Variants in HIPK3 observed in about 807,000 individuals in gnomAD.
HIPK3 encodes the protein homeodomain-interacting protein kinase 3.
In HIPK3, 47 loss-of-function variants were observed where a neutral mutation model predicts 124.2. That is an observed-to-expected ratio of 0.38 (90% CI 0.30 to 0.48). The LOEUF is 0.48. Among genes scored for constraint, HIPK3 ranks in the 20% least tolerant of loss-of-function variants. The probability of loss-of-function intolerance (pLI) is 0.98; values close to 1 mark genes in which losing one functional copy is unlikely to be tolerated. For synonymous variants in HIPK3, 482 were observed against 515.2 expected, an observed-to-expected ratio of 0.94 and a Z score of 0.87; for missense variants, 1,286 against 1,454.3, an observed-to-expected ratio of 0.88 and a Z score of 1.88.
chr11:33,315,790 C>G (rs1047196988), intron 2 of HIPK3, among the ~76,000 whole-genome samples: 1 of 152,218 alleles, frequency 6.6e-6, no homozygotes, highest in African/African-American at 2.4e-5. Flanking sequence ...AATATTAAAT[C>G]TTTGCTGTCT....
intron 1 of HIPK3, among the ~76,000 whole-genome samples, chr11:33,277,323 C>T (rs1374313233): frequency 6.6e-6 from 1 of 151,942 alleles, no homozygotes; most frequent in Non-Finnish European, 1.5e-5. Flanking sequence ...TTTTTTTGTT[C>T]TATATTTTGA....
intron 2 of HIPK3, among the ~76,000 whole-genome samples, chr11:33,326,172 T>C (rs536289550): frequency 6.6e-6 from 1 of 152,224 alleles, no homozygotes; most frequent in South Asian, 2.1e-4. Flanking sequence ...AGAAATGGGG[T>C]GGTCCTCCCA....
intron 2 of HIPK3, among the ~76,000 whole-genome samples, chr11:33,320,358 T>C (rs1441618233): frequency 6.6e-6 from 1 of 151,962 alleles, no homozygotes; most frequent in East Asian, 1.9e-4. Flanking sequence ...ATGGAGGTGA[T>C]GGGGGGTTGG....
At chr11:33,299,580 A>C (rs1400508539) in intron 2 of HIPK3, among the ~76,000 whole-genome samples, 1 of 152,340 alleles carries the variant, frequency 6.6e-6, no homozygotes, top group East Asian at 1.9e-4. Context: ...ATATCAACTT[A>C]GTTGATAAAG....
chr11:33,286,870 A>C lies in HIPK3; in HGVS notation c.456A>C (p.Ala152=), dbSNP rs1248273614. Residue 152 remains alanine, a synonymous_variant, in exon 2 of 17, where the codon GCA becomes GCC. Transcript: ENST00000303296. ...QIVDELSILP[A]MLQTNMGNPV... is the part of the protein sequence containing the mutation. Reference sequence around the variant, plus strand: ...TCGATGAATTGTCCATACTTCCTGCAATGTTGCAAACCAACATGGGAAATC... The same window carrying C: ...TCGATGAATTGTCCATACTTCCTGCCATGTTGCAAACCAACATGGGAAATC... 6.2e-7 allele frequency: 1 copy of C among 1,614,068 alleles called. No individual in the cohort carries two copies. The highest frequency in any genetic ancestry group is 1.3e-5 in the African/African-American group (1 of 74,940).
rs1207946607 is a variant in HIPK3, at chr11:33,356,791, T to C, written c.*3223T>C. 2 of 152,148 alleles carry C rather than the reference T, an allele frequency of 1.3e-5. No individual in the cohort carries two copies. The highest frequency in any genetic ancestry group is 2.9e-5 in the Non-Finnish European group (2 of 67,976). The allele number at this position is 152,148 out of a possible 1,614,324, so 9.4% of individuals were successfully genotyped here. On this transcript the variant is annotated 3_prime_UTR_variant, in exon 17 of 17. Coordinates refer to ENST00000303296, the MANE Select transcript of HIPK3 (RefSeq NM_005734.5). ...CTACACTAGTTTGCCATGTAGCAAT[T>C]GCACTGTGCAATATTACAATAAGGA... is the stretch of plus-strand genomic sequence containing the variant.
At chr11:33,325,992 G>A (rs1447518212) in intron 2 of HIPK3, among the ~76,000 whole-genome samples, 4 of 152,114 alleles carry the variant, frequency 2.6e-5, no homozygotes, top group Non-Finnish European at 1.5e-5. Flanking sequence ...CGTGGCTCTT[G>A]TTTTCAACAA....
chr11:33,353,460 G>C lies in HIPK3; in HGVS notation c.3540G>C (p.Gln1180His), dbSNP rs201569128. Residue 1180 changes from glutamine (Q) to histidine (H), a missense_variant, in exon 17 of 17, where the codon CAG becomes CAC. By Grantham distance (24) the Gln-to-His change is conservative. This residue lies in a region of HIPK3 where 810 missense variants were observed against 864.9 expected (regional missense o/e 0.94). Transcript: ENST00000303296. ...TGTTACCATCCCCAACCATTCATCA[G>C]ACTCAGTACAAACCAATCTTCCCAC... Reference protein sequence around the residue: ...PRLLPSPTIHQTQYKPIFPPH... With the variant: ...PRLLPSPTIHHTQYKPIFPPH... 16 of 1,614,062 alleles carry C rather than the reference G, an allele frequency of 9.9e-6. No homozygotes were observed. In the East Asian group the frequency reaches 2.5e-4, roughly 25 times the overall value.
At chr11:33,346,754 A>G (rs1853505275) in intron 8 of HIPK3, among the ~76,000 whole-genome samples, 1 of 152,250 alleles carries the variant, frequency 6.6e-6, no homozygotes, top group Non-Finnish European at 1.5e-5. Flanking sequence ...ACTTTGTAGT[A>G]TGCATTTTGA....
intron 2 of HIPK3, among the ~76,000 whole-genome samples, chr11:33,292,899 CT>C (rs1321629656): frequency 6.6e-6 from 1 of 152,146 alleles, no homozygotes; most frequent in Admixed American, 6.5e-5. Context: ...CCACGCCTGG[CT>C]AATTTGTTTT....
chr11:33,325,907 T>C (rs887729403), intron 2 of HIPK3, among the ~76,000 whole-genome samples: 4 of 152,210 alleles, frequency 2.6e-5, no homozygotes, highest in African/African-American at 9.6e-5. Flanking sequence ...TACACACACT[T>C]GAATATTTTG....
chr11:33,347,278 T>C lies in HIPK3; in HGVS notation c.1898-15T>C. ...AAGATTTTTTCTTTTATTTGATAAC[T>C]ATTCTGTTTCACAGGTATTCCTGCA... On this transcript the variant is annotated splice_polypyrimidine_tract_variant and intron_variant, in intron 8 of 16. Transcript: ENST00000303296. 1 of 1,599,956 alleles carries C rather than the reference T, an allele frequency of 6.3e-7. No homozygotes were observed. Among genetic ancestry groups the C allele is most frequent in the Non-Finnish European group, 8.5e-7 (1 of 1,172,428 alleles).
Position 33,347,705 on chromosome 11 carries a change from C to A in HIPK3, c.2096C>A (p.Thr699Lys), listed in dbSNP as rs1565098236. 1 of 1,614,218 alleles carries A rather than the reference C, an allele frequency of 6.2e-7. No individual in the cohort carries two copies. Among genetic ancestry groups the A allele is most frequent in the East Asian group, 2.2e-5 (1 of 44,890 alleles). The change falls in exon 10 of 17, where the codon ACA becomes AAA. Residue 699 changes from threonine (T) to lysine (K), a missense_variant. Coordinates refer to ENST00000303296, the MANE Select transcript of HIPK3 (RefSeq NM_005734.5). ...ACACCCCTGGCTCCTGCTACTACTA[C>A]ACTAACTTCTGAGAGTGTGGCTGGT... Reference protein sequence around the residue: ...QVTPLAPATTTLTSESVAGSH... With the variant: ...QVTPLAPATTKLTSESVAGSH...
At position 33,286,801 on chromosome 11, in the gene HIPK3, C is replaced by T. The variant is rs760597322; in HGVS notation, c.387C>T (p.Arg129=). 1.9e-6 allele frequency: 3 copies of T among 1,614,080 alleles called. No individual in the cohort carries two copies. The highest frequency in any genetic ancestry group is 2.5e-6 in the Non-Finnish European group (3 of 1,180,030). The part of the protein sequence containing the change: ...LEGPQRCGLK[R]KSEELDNHSS... ...GCCCCCAGCGATGTGGATTGAAGCGCAAGAGTGAGGAGTTGGATAATCATA... is the reference window on the plus strand; with the variant it reads ...GCCCCCAGCGATGTGGATTGAAGCGTAAGAGTGAGGAGTTGGATAATCATA... Residue 129 remains arginine, a synonymous_variant, in exon 2 of 17, where the codon CGC becomes CGT. Coordinates refer to ENST00000303296, the MANE Select transcript of HIPK3 (RefSeq NM_005734.5).
intron 2 of HIPK3, among the ~76,000 whole-genome samples, chr11:33,303,939 G>GTA (rs1012040222): frequency 6.4e-4 from 97 of 151,478 alleles, no homozygotes; most frequent in African/African-American, 1.4e-3. Context: ...ATATATATGT[G>GTA]TATATATATA....
intron 2 of HIPK3, among the ~76,000 whole-genome samples, chr11:33,299,712 G>T (rs1479762676): frequency 2.0e-5 from 3 of 151,930 alleles, no homozygotes; most frequent in Non-Finnish European, 2.9e-5. Context: ...AATCAATGTG[G>T]CAAACTTTAC....
At chr11:33,299,534 G>A (rs939613422) in intron 2 of HIPK3, among the ~76,000 whole-genome samples, 1 of 152,012 alleles carries the variant, frequency 6.6e-6, no homozygotes, top group Admixed American at 6.6e-5. Context: ...GAGATGCTGT[G>A]AACAATTGAA....
chr11:33,355,397 T>G lies in HIPK3; in HGVS notation c.*1829T>G, dbSNP rs565592023. 42 of 152,218 alleles carry G rather than the reference T, an allele frequency of 2.8e-4. No individual in the cohort carries two copies. Among genetic ancestry groups the G allele is most frequent in the African/African-American group, 9.9e-4 (41 of 41,582 alleles). 9.4% of individuals were successfully genotyped at this position (152,218 alleles called of 1,614,324 possible). ...GTAACTTAATTTTTTATTTTCATAC[T>G]GGCATTGTAGACACTTGAGAAAGCT... On this transcript the variant is annotated 3_prime_UTR_variant, in exon 17 of 17. Transcript: ENST00000303296.
intron 3 of HIPK3, among the ~76,000 whole-genome samples, chr11:33,336,715 T>C (rs966891674): frequency 2.0e-5 from 3 of 152,206 alleles, no homozygotes. Flanking sequence ...GAATGTGAGG[T>C]TATTCTCTCT....
Sources: gnomAD v4.1 joint callset for allele counts (sites outside exome capture counted in the v4.1 genomes callset) on GRCh38, gnomAD v4.1.1 for gene constraint, gnomAD v4.1.1 regional missense constraint, MANE v1.5 for transcripts, NCBI Gene and HGNC (gene_info 2026-07-23, HGNC 2026-07-21) for gene names.